MRC2: variants seen among roughly 807,000 people sequenced by gnomAD.
MRC2 encodes mannose receptor C-type 2, also known as C-type mannose receptor 2.
MRC2 carries 84 observed loss-of-function variants against 206.2 expected under a neutral mutation model. The observed-to-expected ratio is 0.41, with a 90% CI of 0.34 to 0.49. The LOEUF is 0.49. Ranked by LOEUF, MRC2 falls within the 20% of genes least tolerant of loss-of-function variation. The pLI, the probability that MRC2 is intolerant of heterozygous loss-of-function variation, is 0.31. For missense variants in MRC2, 1,676 were observed against 2,001.5 expected, an observed-to-expected ratio of 0.84 and a Z score of 3.10; for synonymous variants, 798 against 800.0, an observed-to-expected ratio of 1.00 and a Z score of 0.04.
At position 62,672,551 on chromosome 17, in the gene MRC2, C is replaced by T. The variant is rs755125158; in HGVS notation, c.1461+399C>T. Among the ~76,000 whole-genome samples the T allele has an allele frequency of 3.9e-5, 6 of 152,216 alleles. No individual in the cohort carries two copies. Among genetic ancestry groups the T allele is most frequent in the Admixed American group, 6.5e-5 (1 of 15,280 alleles). On this transcript the variant is annotated intron_variant, in intron 8 of 29. Coordinates refer to ENST00000303375, the MANE Select transcript of MRC2 (RefSeq NM_006039.5). The surrounding 1 kb of genome is among the most constrained non-coding windows in gnomAD (Gnocchi z 4.5). ...AGCAGGGCTGCACTCTGCCAGCCCT[C>T]GCCCCCAGTGCTCTACCCAGTCCAG...
intron 20 of MRC2, among the ~76,000 whole-genome samples, chr17:62,683,095 ATAT>A (rs72192312): frequency 0.3 from 46,222 of 152,050 alleles, 8,568 homozygotes; most frequent in Non-Finnish European, 0.4. Flanking sequence ...AATATGACTA[ATAT>A]TATATATAGT....
rs147399103 is a variant in MRC2, at chr17:62,692,238, A to T, written c.4227A>T (p.Pro1409=). ...EQSSFSPSAL[P]ENPAALVVVL... ...GCCCACTCGCCTTGGCAGCGCTTCCAGAGAACCCAGCGGCCCTGGTGGTGG... is the reference window on the plus strand; with the variant it reads ...GCCCACTCGCCTTGGCAGCGCTTCCTGAGAACCCAGCGGCCCTGGTGGTGG... The change falls in exon 30 of 30, where the codon CCA becomes CCT. Residue 1409 remains proline, a synonymous_variant. Coordinates refer to ENST00000303375, the MANE Select transcript of MRC2 (RefSeq NM_006039.5). This position sits in a 1 kb window ranked among gnomAD's most constrained non-coding sequence, Gnocchi z 4.2. The T allele has an allele frequency of 4.7e-5, 75 of 1,611,274 alleles. No individual in the cohort carries two copies. In the African/African-American group the frequency reaches 8.0e-4, roughly 17 times the overall value.
In MRC2 at chr17:62,680,120, G is replaced by C. The variant is rs758504117; in HGVS notation, c.2299-50G>C. On this transcript the variant is annotated intron_variant, in intron 14 of 29. Coordinates refer to ENST00000303375, the MANE Select transcript of MRC2 (RefSeq NM_006039.5). The surrounding 1 kb of genome is among the most constrained non-coding windows in gnomAD (Gnocchi z 4.8). ...TTCACCTGTTCCGGGCATGGGGGCG[G>C]CCTGCACCTTGCGCCTCACGTTCCT... 33 of 1,610,896 alleles carry C rather than the reference G, an allele frequency of 2.0e-5. No individual in the cohort carries two copies. Among genetic ancestry groups the C allele is most frequent in the South Asian group, 5.5e-5 (5 of 90,614 alleles).
At chr17:62,668,367 T>TA (rs2088783700) in intron 6 of MRC2, among the ~76,000 whole-genome samples, 1 of 111,566 alleles carries the variant, frequency 9.0e-6, no homozygotes, top group South Asian at 3.1e-4. Flanking sequence ...AAAAAATAAA[T>TA]AAATAAATAA....
At chr17:62,659,500 C>G (rs1046779222) in intron 1 of MRC2, among the ~76,000 whole-genome samples, 1 of 151,408 alleles carries the variant, frequency 6.6e-6, no homozygotes, top group Non-Finnish European at 1.5e-5. Flanking sequence ...GAGCAGAGAT[C>G]GCGCCACTGC....
At chr17:62,668,997 A>T (rs1019405199) in intron 6 of MRC2, among the ~76,000 whole-genome samples, 4 of 151,370 alleles carry the variant, frequency 2.6e-5, no homozygotes, top group Non-Finnish European at 5.9e-5. Context: ...TTGGCTGTGG[A>T]TGTTTACTGT....
At chr17:62,681,712 A>G (rs1460532744) in intron 18 of MRC2, 125 bp from the exon 19 acceptor site, 1 of 745,580 alleles carries the variant, frequency 1.3e-6, no homozygotes, top group Non-Finnish European at 2.3e-6. Flanking sequence ...CCCTCAGCCT[A>G]CAGCCACTAA....
chr17:62,643,327 C>CAAAAAAAAAAAAAAA (rs59698063), intron 1 of MRC2, among the ~76,000 whole-genome samples: 1 of 44,156 alleles, frequency 2.3e-5, no homozygotes, highest in Non-Finnish European at 5.6e-5. Flanking sequence ...GAAACTCCGT[C>CAAAAAAAAAAAAAAA]AAAAAAAAAA....
In MRC2 at chr17:62,664,291, G is replaced by C. The variant is rs906122917; in HGVS notation, c.119-257G>C. On this transcript the variant is annotated intron_variant, in intron 1 of 29. Coordinates refer to ENST00000303375, the MANE Select transcript of MRC2 (RefSeq NM_006039.5). The surrounding 1 kb of genome is among the most constrained non-coding windows in gnomAD (Gnocchi z 4.7). ...GCTTTTGAGGGTGGTACAGAGGACT[G>C]AGTCCTCCCTCCTGGTGAGCAGGGG... 1.3e-5 allele frequency among the ~76,000 whole-genome samples: 2 copies of C among 152,202 alleles called. No individual in the cohort carries two copies. The highest frequency in any genetic ancestry group is 6.5e-5 in the Admixed American group (1 of 15,284).
chr17:62,686,137 A>G (rs948163211), intron 20 of MRC2, among the ~76,000 whole-genome samples: 6 of 152,166 alleles, frequency 3.9e-5, no homozygotes, highest in Non-Finnish European at 7.3e-5. Context: ...TGCATGTGCA[A>G]TTCACGGTAG....
intron 23 of MRC2, 40 bp from the exon 24 acceptor site, chr17:62,689,482 G>C: frequency 7.3e-7 from 1 of 1,364,760 alleles, no homozygotes; most frequent in African/African-American, 1.4e-5. Flanking sequence ...CGGGGTGAGG[G>C]AAGCAGAGCC....
In MRC2 at chr17:62,676,425, G is replaced by A; in HGVS notation, c.1728G>A (p.Glu576=). ...AFVSSLIYNW[E]GEYFWTALQD... ...TCAGCAGCCTCATCTACAACTGGGA[G>A]GGCGAGTACTTCTGGACGGCCCTGC... The change falls in exon 11 of 30, where the codon GAG becomes GAA. Residue 576 remains glutamate (E), a synonymous_variant. Transcript: ENST00000303375. The A allele has an allele frequency of 6.2e-7, 1 of 1,614,140 alleles. No homozygotes were observed. Among genetic ancestry groups the A allele is most frequent in the Non-Finnish European group, 8.5e-7 (1 of 1,179,996 alleles).
chr17:62,637,844 C>T (rs1414388614), intron 1 of MRC2, among the ~76,000 whole-genome samples: 9 of 152,184 alleles, frequency 5.9e-5, no homozygotes, highest in Non-Finnish European at 1.3e-4. Context: ...ACACAGGTTC[C>T]AGCACAGTAC....
Position 62,690,508 on chromosome 17 carries a change from A to G in MRC2, c.3893-134A>G, listed in dbSNP as rs1038532206. 27 of 1,390,398 alleles carry G rather than the reference A, an allele frequency of 1.9e-5. No homozygotes were observed. In the African/African-American group the frequency reaches 3.9e-4, roughly 20 times the overall value. The allele number at this position is 1,390,398 out of a possible 1,614,324, so 86.1% of individuals were successfully genotyped here. ...CCCCCACACACTTGCACATGTGCACACACACACACATGAATCCACAGACTC... is the reference window on the plus strand; with the variant it reads ...CCCCCACACACTTGCACATGTGCACGCACACACACATGAATCCACAGACTC... On this transcript the variant is annotated intron_variant, in intron 26 of 29. Transcript: ENST00000303375.
At chr17:62,649,006 C>T (rs2088523645) in intron 1 of MRC2, among the ~76,000 whole-genome samples, 1 of 152,226 alleles carries the variant, frequency 6.6e-6, no homozygotes, top group Non-Finnish European at 1.5e-5. Flanking sequence ...CTCCCTTTGT[C>T]CTCCCAGAAA....
chr17:62,686,454 AC>A (rs2089033806), intron 20 of MRC2, among the ~76,000 whole-genome samples: 1 of 4,184 alleles, frequency 2.4e-4, no homozygotes, highest in African/African-American at 2.6e-4. Flanking sequence ...CTCCATCTCA[AC>A]AACAACAACA....
intron 1 of MRC2, among the ~76,000 whole-genome samples, chr17:62,662,826 T>C (rs1227593226): frequency 6.6e-6 from 1 of 152,110 alleles, no homozygotes; most frequent in Non-Finnish European, 1.5e-5. Flanking sequence ...GCAGAATTGC[T>C]TGAACCCAGG....
At position 62,688,417 on chromosome 17, in the gene MRC2, A is replaced by T. The variant is rs780032067; in HGVS notation, c.3061+14A>T. On this transcript the variant is annotated intron_variant, in intron 21 of 29. Transcript: ENST00000303375. ...CCTTAGAGCAAGGTAGGGCCAGCCT[A>T]TGGGGAGCCCCCAGTATCCTCTGAC... The T allele has an allele frequency of 1.2e-6, 2 of 1,614,114 alleles. No homozygotes were observed. Among genetic ancestry groups the T allele is most frequent in the East Asian group, 2.2e-5 (1 of 44,880 alleles).
chr17:62,639,723 T>C (rs2088375043), intron 1 of MRC2, among the ~76,000 whole-genome samples: 3 of 151,926 alleles, frequency 2.0e-5, no homozygotes, highest in African/African-American at 7.3e-5. Context: ...CTCCTGGGCT[T>C]AAGCAATGCT....
Sources: allele counts gnomAD v4.1 joint callset (sites outside exome capture counted in the v4.1 genomes callset), GRCh38; gene constraint gnomAD v4.1.1; non-coding constraint Gnocchi (gnomAD v3.1); transcripts MANE v1.5; gene names NCBI Gene and HGNC (gene_info 2026-07-23, HGNC 2026-07-21).